The following SLC30A4 variants were observed in gnomAD, a reference collection of about 807,000 sequenced individuals.
The protein encoded by SLC30A4 is probable proton-coupled zinc antiporter SLC30A4.
In SLC30A4, 20 loss-of-function variants were observed where a neutral mutation model predicts 41.7. The observed-to-expected ratio is 0.48, with a 90% CI of 0.34 to 0.70. SLC30A4 has a LOEUF of 0.70. SLC30A4 is among the 30% of genes least tolerant of loss of function. SLC30A4 has a pLI of 0.01. For synonymous variants in SLC30A4, 181 were observed against 195.9 expected, an observed-to-expected ratio of 0.92 and a Z score of 0.64; for missense variants, 441 against 529.3, an observed-to-expected ratio of 0.83 and a Z score of 1.64.
At chr15:45,504,538 T>C (rs1595527427) in intron 3 of SLC30A4, among the ~76,000 whole-genome samples, 1 of 152,330 alleles carries the variant, frequency 6.6e-6, no homozygotes, top group Non-Finnish European at 1.5e-5. Context: ...CATATTATGA[T>C]AAAATTTAAC....
chr15:45,490,672 A>C, intron 4 of SLC30A4, 56 bp downstream of exon 4: 1 of 1,168,814 alleles, frequency 8.6e-7, no homozygotes, highest in Non-Finnish European at 1.2e-6. Flanking sequence ...TGCATATGCA[A>C]TAGTCTCTGA....
chr15:45,481,039 G>A lies in SLC30A4; in HGVS notation c.*4124C>T, dbSNP rs1035379743. 7 of 152,222 alleles carry A rather than the reference G, an allele frequency of 4.6e-5. No individual in the cohort carries two copies. The highest frequency in any genetic ancestry group is 2.6e-4 in the Admixed American group (4 of 15,272). 9.4% of individuals were successfully genotyped at this position (152,222 alleles called of 1,614,324 possible). A position where few individuals can be genotyped will look rare whatever the true frequency, so the allele number is the denominator to read the frequency against. On this transcript the variant is annotated 3_prime_UTR_variant, in exon 8 of 8. Transcript: ENST00000261867. ...ACATTAAAATGAGAGAGAAGCTCAC[G>A]TGTCTGATCTTGACTATGTCTATTC...
intron 2 of SLC30A4, among the ~76,000 whole-genome samples, chr15:45,518,803 G>A (rs1313406572): frequency 4.6e-5 from 7 of 152,000 alleles, no homozygotes; most frequent in African/African-American, 1.7e-4. Context: ...GAGCTCAAGC[G>A]ATCCTCAGGC....
intron 2 of SLC30A4, among the ~76,000 whole-genome samples, chr15:45,516,534 T>G (rs1255863804): frequency 6.6e-6 from 1 of 151,840 alleles, no homozygotes; most frequent in East Asian, 1.9e-4. Context: ...CCAGTTTTCC[T>G]CATATGTGTG....
At position 45,488,941 on chromosome 15, in the gene SLC30A4, C is replaced by T; in HGVS notation, c.794G>A (p.Gly265Glu). The change falls in exon 5 of 8, where the codon GGG becomes GAG. Residue 265 changes from glycine to glutamate, a missense_variant. Around this residue, in one of 3 missense-constraint regions of SLC30A4, gnomAD observed 312 missense variants for 341.9 expected, o/e 0.91. Transcript: ENST00000261867. ...TRGSGCERNH[G>E]QDSLAVRAAF... ...AGCTCTCACTGCCAGGCTATCCTGC[C>T]CATGGTTACGTTCACACCCAGAACC... is the stretch of plus-strand genomic sequence containing the variant. The T allele has an allele frequency of 1.9e-6, 3 of 1,614,084 alleles. No individual in the cohort carries two copies. The highest frequency in any genetic ancestry group is 2.5e-6 in the Non-Finnish European group (3 of 1,179,984).
chr15:45,501,046 G>A lies in SLC30A4; in HGVS notation c.538+10092C>T, dbSNP rs539351511. ...AATGTGGCCAGGTGCGGTGGCTCAC[G>A]CCTGTAATCCCAGCACTTTGGGAGG... On this transcript the variant is annotated intron_variant, in intron 3 of 7. Transcript: ENST00000261867. 3.1e-4 allele frequency among the ~76,000 whole-genome samples: 47 copies of A among 149,242 alleles called. 1 individual carries two copies. In the South Asian group the frequency reaches 0.01, roughly 32 times the overall value.
intron 4 of SLC30A4, among the ~76,000 whole-genome samples, chr15:45,489,718 A>C (rs1029050101): frequency 6.6e-6 from 1 of 151,922 alleles, no homozygotes; most frequent in Non-Finnish European, 1.5e-5. Context: ...ATGTATACAT[A>C]TGTAACAAAC....
chr15:45,497,872 C>A (rs1891939229), intron 3 of SLC30A4, among the ~76,000 whole-genome samples: 1 of 151,996 alleles, frequency 6.6e-6, no homozygotes, highest in Admixed American at 6.5e-5. Context: ...TATGTACTAC[C>A]TATTTCCCCA....
At chr15:45,494,855 C>A (rs1891880133) in intron 3 of SLC30A4, among the ~76,000 whole-genome samples, 1 of 152,012 alleles carries the variant, frequency 6.6e-6, no homozygotes, top group Non-Finnish European at 1.5e-5. Context: ...GTGCCCTAAT[C>A]AAAATTTTAA....
chr15:45,500,386 A>G (rs1427190695), intron 3 of SLC30A4, among the ~76,000 whole-genome samples: 3 of 152,226 alleles, frequency 2.0e-5, no homozygotes, highest in African/African-American at 7.2e-5. Flanking sequence ...TCAAGAGAGT[A>G]ACTTACTCTC....
chr15:45,505,332 T>C (rs1004212538), intron 3 of SLC30A4, among the ~76,000 whole-genome samples: 2 of 151,350 alleles, frequency 1.3e-5, no homozygotes, highest in Non-Finnish European at 2.9e-5. Flanking sequence ...ACAGAGAATG[T>C]GATCTTTTAA....
In SLC30A4 at chr15:45,490,247, G is replaced by A. The variant is rs529917652; in HGVS notation, c.692+481C>T. 1.1e-4 allele frequency among the ~76,000 whole-genome samples: 17 copies of A among 152,060 alleles called. No individual in the cohort carries two copies. In the South Asian group the frequency reaches 2.7e-3, roughly 24 times the overall value. The stretch of plus-strand genomic sequence containing the variant: ...GCTGGGACCATAGGCACGAGCCACC[G>A]TGCCTGGCTAATTTTTATTTTTAGA... On this transcript the variant is annotated intron_variant, in intron 4 of 7. Coordinates refer to ENST00000261867, the MANE Select transcript of SLC30A4 (RefSeq NM_013309.6).
At chr15:45,521,041 A>C (rs769446794) in intron 2 of SLC30A4, 7 of 465,980 alleles carry the variant, frequency 1.5e-5, no homozygotes, top group Non-Finnish European at 2.7e-5. Context: ...AAATGTATAT[A>C]ATTTTTCCCA....
chr15:45,501,337 A>C (rs1595526334), intron 3 of SLC30A4, among the ~76,000 whole-genome samples: 1 of 152,242 alleles, frequency 6.6e-6, no homozygotes, highest in East Asian at 1.9e-4. Flanking sequence ...AAATGTTTTC[A>C]AGTTCCAAAT....
chr15:45,494,663 G>A (rs534084911), intron 3 of SLC30A4, among the ~76,000 whole-genome samples: 1 of 152,162 alleles, frequency 6.6e-6, no homozygotes, highest in Admixed American at 6.5e-5. Flanking sequence ...ACTCCAGCCC[G>A]GGTGGCAGAG....
intron 3 of SLC30A4, among the ~76,000 whole-genome samples, chr15:45,506,821 T>C (rs1892165592): frequency 6.6e-6 from 1 of 152,206 alleles, no homozygotes; most frequent in South Asian, 2.1e-4. Context: ...TTTTTTTAGA[T>C]GACTTTTAAA....
chr15:45,484,910 A>G lies in SLC30A4; in HGVS notation c.*253T>C. On this transcript the variant is annotated 3_prime_UTR_variant, in exon 8 of 8. Coordinates refer to ENST00000261867, the MANE Select transcript of SLC30A4 (RefSeq NM_013309.6). ...GTATGATCTTGGATTGTCTTCTATG[A>G]GGTATCTGTAGAGTCACATCTCATT... 2.4e-6 allele frequency: 1 copy of G among 412,678 alleles called. No homozygotes were observed. Among genetic ancestry groups the G allele is most frequent in the Non-Finnish European group, 4.3e-6 (1 of 233,572 alleles). The allele number at this position is 412,678 out of a possible 1,614,324, so 25.6% of individuals were successfully genotyped here.
At position 45,522,005 on chromosome 15, in the gene SLC30A4, G is replaced by A; in HGVS notation, c.350C>T (p.Ala117Val). 1 of 1,614,210 alleles carries A rather than the reference G, an allele frequency of 6.2e-7. No homozygotes were observed. The highest frequency in any genetic ancestry group is 8.5e-7 in the Non-Finnish European group (1 of 1,180,022). Residue 117 changes from alanine (A) to valine (V), a missense_variant, in exon 2 of 8, where the codon GCT becomes GTT. Ala to Val is a moderately conservative substitution (Grantham distance 64). Transcript: ENST00000261867. ...CATGAAAAGCAAGTACAGAACGGCA[G>A]CAATGGTCAACCTGGCTTTCACCTT... ...QRKVKARLTI[A>V]AVLYLLFMIG... is the part of the protein sequence containing the mutation.
chr15:45,495,720 C>T (rs1891895811), intron 3 of SLC30A4, among the ~76,000 whole-genome samples: 1 of 152,212 alleles, frequency 6.6e-6, no homozygotes, highest in South Asian at 2.1e-4. Flanking sequence ...CCACTATATT[C>T]TGGCAGCCTG....
Sources: gnomAD v4.1 joint callset for allele counts (sites outside exome capture counted in the v4.1 genomes callset) on GRCh38, gnomAD v4.1.1 for gene constraint, gnomAD v4.1.1 regional missense constraint, MANE v1.5 for transcripts, NCBI Gene and HGNC (gene_info 2026-07-23, HGNC 2026-07-21) for gene names.